Variants in LMBRD1 observed in about 807,000 individuals in gnomAD.
LMBRD1 encodes LMBR1 domain containing 1, also known as lysosomal cobalamin transport escort protein LMBD1.
A neutral mutation model predicts 74.8 loss-of-function variants in LMBRD1; 64 were observed. That is an observed-to-expected ratio of 0.86 (90% CI 0.70 to 1.05). The LOEUF is 1.05. LMBRD1 is among the 50% of genes least tolerant of loss of function. The pLI is 0.00. For missense variants in LMBRD1, 652 were observed against 645.9 expected, an observed-to-expected ratio of 1.01 and a Z score of -0.10; for synonymous variants, 204 against 216.3, an observed-to-expected ratio of 0.94 and a Z score of 0.50.
At chr6:69,785,929 C>T (rs1765934537) in intron 2 of LMBRD1, among the ~76,000 whole-genome samples, 1 of 152,170 alleles carries the variant, frequency 6.6e-6, no homozygotes, top group African/African-American at 2.4e-5. Flanking sequence ...GGCTCTCTCC[C>T]TCTGGCTCTT....
chr6:69,759,901 T>A (rs530757483), intron 3 of LMBRD1, among the ~76,000 whole-genome samples: 29 of 152,264 alleles, frequency 1.9e-4, no homozygotes, highest in African/African-American at 6.7e-4. Context: ...ACAAATTTTT[T>A]AAAAACATAC....
chr6:69,737,290 C>T (rs1215717360), intron 7 of LMBRD1, among the ~76,000 whole-genome samples: 1 of 152,016 alleles, frequency 6.6e-6, no homozygotes, highest in Non-Finnish European at 1.5e-5. Context: ...GCATTTATTA[C>T]TAGCTTTTTA....
chr6:69,787,358 C>A (rs193114047), intron 2 of LMBRD1, among the ~76,000 whole-genome samples: 1 of 152,086 alleles, frequency 6.6e-6, no homozygotes, highest in African/African-American at 2.4e-5. Context: ...TACAGACACA[C>A]AGAATGTTTC....
At chr6:69,775,368 A>G (rs1021263225) in intron 3 of LMBRD1, among the ~76,000 whole-genome samples, 6 of 152,166 alleles carry the variant, frequency 3.9e-5, no homozygotes, top group Non-Finnish European at 7.3e-5. Context: ...CATTAATATA[A>G]CAGAAGATCC....
chr6:69,703,063 G>C (rs1450905804), intron 9 of LMBRD1, among the ~76,000 whole-genome samples: 1 of 152,008 alleles, frequency 6.6e-6, no homozygotes, highest in East Asian at 1.9e-4. Flanking sequence ...GTCCAAGAAG[G>C]CTATAGTCAT....
intron 14 of LMBRD1, among the ~76,000 whole-genome samples, chr6:69,686,375 A>G (rs1412954560): frequency 3.3e-5 from 5 of 152,196 alleles, no homozygotes; most frequent in Non-Finnish European, 7.3e-5. Context: ...ATAATGTTCA[A>G]TAACCAGCTG....
At chr6:69,688,025 C>A (rs1427089263) in intron 14 of LMBRD1, among the ~76,000 whole-genome samples, 1 of 152,070 alleles carries the variant, frequency 6.6e-6, no homozygotes, top group African/African-American at 2.4e-5. Flanking sequence ...TAAATTAAGA[C>A]AGGAGCAATC....
intron 2 of LMBRD1, among the ~76,000 whole-genome samples, chr6:69,785,883 T>G (rs192062999): frequency 4.7e-4 from 72 of 152,324 alleles, no homozygotes; most frequent in African/African-American, 1.6e-3. Flanking sequence ...CATCCTGGCC[T>G]AAAGGCCTCT....
chr6:69,780,117 C>CTTTTTT (rs34490213), intron 3 of LMBRD1, among the ~76,000 whole-genome samples: 1 of 115,260 alleles, frequency 8.7e-6, no homozygotes, highest in Non-Finnish European at 1.8e-5. Context: ...TGGGAGGGTC[C>CTTTTTT]TTTTTTTTTT....
chr6:69,733,820 T>C (rs1288812167), intron 7 of LMBRD1, among the ~76,000 whole-genome samples: 1 of 152,232 alleles, frequency 6.6e-6, no homozygotes, highest in African/African-American at 2.4e-5. Flanking sequence ...CTGATCATGA[T>C]ACAACTGCTT....
At chr6:69,758,401 G>C (rs770957814) in intron 3 of LMBRD1, among the ~76,000 whole-genome samples, 1 of 152,158 alleles carries the variant, frequency 6.6e-6, no homozygotes, top group Non-Finnish European at 1.5e-5. Context: ...AGTCGAGACT[G>C]ATAGTTGCAT....
chr6:69,765,121 G>A (rs1480747813), intron 3 of LMBRD1, among the ~76,000 whole-genome samples: 1 of 151,866 alleles, frequency 6.6e-6, no homozygotes, highest in African/African-American at 2.4e-5. Flanking sequence ...AGTAGAGACA[G>A]GGTTTCACCA....
intron 3 of LMBRD1, among the ~76,000 whole-genome samples, chr6:69,767,616 A>G (rs570397001): frequency 1.3e-5 from 2 of 151,874 alleles, no homozygotes; most frequent in Admixed American, 6.6e-5. Context: ...ATAACCTATC[A>G]TATAGTCTAT....
At chr6:69,714,677 A>G (rs1218878128) in intron 8 of LMBRD1, among the ~76,000 whole-genome samples, 1 of 152,164 alleles carries the variant, frequency 6.6e-6, no homozygotes, top group African/African-American at 2.4e-5. Flanking sequence ...GATACACAAC[A>G]TATTGCTCTT....
At chr6:69,767,375 T>C (rs945808127) in intron 3 of LMBRD1, among the ~76,000 whole-genome samples, 1 of 151,740 alleles carries the variant, frequency 6.6e-6, no homozygotes, top group African/African-American at 2.4e-5. Flanking sequence ...CTATATCCCG[T>C]AAATTTTGAT....
chr6:69,761,970 G>A (rs1765384989), intron 3 of LMBRD1, among the ~76,000 whole-genome samples: 1 of 152,102 alleles, frequency 6.6e-6, no homozygotes, highest in Admixed American at 6.6e-5. Flanking sequence ...ATATTTTCAC[G>A]TTTGCAGTTT....
intron 14 of LMBRD1, among the ~76,000 whole-genome samples, chr6:69,687,320 C>T (rs1765784124): frequency 6.6e-6 from 1 of 152,096 alleles, no homozygotes; most frequent in South Asian, 2.1e-4. Context: ...ACCAGTTAAT[C>T]TCCTTTGGCA....
At chr6:69,789,001 A>G (rs577141143) in intron 2 of LMBRD1, among the ~76,000 whole-genome samples, 5 of 152,382 alleles carry the variant, frequency 3.3e-5, no homozygotes, top group Admixed American at 6.5e-5. Flanking sequence ...AAAGGAAGTT[A>G]CTAAATGTAA....
intron 3 of LMBRD1, among the ~76,000 whole-genome samples, chr6:69,774,178 C>T (rs1174981324): frequency 3.3e-5 from 5 of 152,124 alleles, no homozygotes; most frequent in Non-Finnish European, 4.4e-5. Flanking sequence ...TTAAGTCTCA[C>T]GAGATCTGAT....
Sources: allele counts gnomAD v4.1 joint callset (sites outside exome capture counted in the v4.1 genomes callset), GRCh38; gene constraint gnomAD v4.1.1; transcripts MANE v1.5; gene names NCBI Gene and HGNC (gene_info 2026-07-23, HGNC 2026-07-21).